RBFOX1: variants seen among roughly 807,000 people sequenced by gnomAD.
RBFOX1 encodes the protein RNA binding protein fox-1 homolog 1.
A neutral mutation model predicts 57.7 loss-of-function variants in RBFOX1; 8 were observed. The observed-to-expected ratio is 0.14, with a 90% CI of 0.08 to 0.25. RBFOX1 has a LOEUF of 0.25. Among genes scored for constraint, RBFOX1 ranks in the 10% least tolerant of loss-of-function variants. The probability of loss-of-function intolerance (pLI) is 1.00; values close to 1 mark genes in which losing one functional copy is unlikely to be tolerated. For missense variants in RBFOX1, 611 were observed against 548.5 expected, an observed-to-expected ratio of 1.11 and a Z score of -1.14; for synonymous variants, 326 against 222.4, an observed-to-expected ratio of 1.47 and a Z score of -4.15.
chr16:5,853,352 G>T (rs4238867), intron 3 of RBFOX1, among the ~76,000 whole-genome samples: 70,066 of 151,932 alleles, frequency 0.46, 16,164 homozygotes, highest in Non-Finnish European at 0.47. Flanking sequence ...CCAAAGAGAG[G>T]AGAAAACAAA....
chr16:5,719,740 C>G (rs991065210), intron 3 of RBFOX1, among the ~76,000 whole-genome samples: 5 of 152,150 alleles, frequency 3.3e-5, no homozygotes, highest in Non-Finnish European at 5.9e-5. Flanking sequence ...TATGTCAATA[C>G]TTCATTCCTT....
chr16:5,475,315 A>C (rs963449519), intron 2 of RBFOX1, among the ~76,000 whole-genome samples: 1 of 152,236 alleles, frequency 6.6e-6, no homozygotes, highest in Non-Finnish European at 1.5e-5. Context: ...GCATCCTGCT[A>C]TTAAGTCTAC....
intron 4 of RBFOX1, among the ~76,000 whole-genome samples, chr16:7,260,608 G>C (rs1450960959): frequency 6.6e-6 from 1 of 152,164 alleles, no homozygotes; most frequent in Non-Finnish European, 1.5e-5. Context: ...ATGTAGGTAA[G>C]ATAACAGAGT....
rs1039825800 is a variant in RBFOX1 at position 6,986,254 on chromosome 16, G to A, written c.-15-65803G>A. ...CTTGGTCTGTCACCCAGGCTGGAGT[G>A]CAATGGCATGATCTTGGCTCACTGC... On this transcript the variant is annotated intron_variant, in intron 3 of 15. Transcript: ENST00000550418. Among the ~76,000 whole-genome samples, 136 of 151,674 alleles carry A rather than the reference G, an allele frequency of 9.0e-4. 1 individual carries two copies. Among genetic ancestry groups the A allele is most frequent in the African/African-American group, 3.1e-3 (126 of 41,262 alleles).
At chr16:5,906,768 A>G (rs2058468835) in intron 4 of RBFOX1, among the ~76,000 whole-genome samples, 1 of 111,266 alleles carries the variant, frequency 9.0e-6, no homozygotes, top group African/African-American at 3.6e-5. Flanking sequence ...GGAGTCTCGC[A>G]CTGTCTTCCA....
At chr16:7,454,979 C>T (rs1189482941) in intron 4 of RBFOX1, among the ~76,000 whole-genome samples, 1 of 152,164 alleles carries the variant, frequency 6.6e-6, no homozygotes, top group Non-Finnish European at 1.5e-5. Context: ...AATAATAAAG[C>T]CCATTTTTTA....
At chr16:7,473,372 G>T (rs1402832357) in intron 4 of RBFOX1, among the ~76,000 whole-genome samples, 1 of 148,188 alleles carries the variant, frequency 6.7e-6, no homozygotes, top group Non-Finnish European at 1.5e-5. Context: ...AGAGAGACTT[G>T]GTCTCTCATA....
chr16:6,968,329 C>A lies in RBFOX1; in HGVS notation c.-15-83728C>A, dbSNP rs575963056. On this transcript the variant is annotated intron_variant, in intron 3 of 15. Coordinates refer to ENST00000550418, the MANE Select transcript of RBFOX1 (RefSeq NM_018723.4). ...GAAATTAGCAGCGATGGAAACAATG[C>A]AAACATTTCATTTCTTTTCCTTCTT... 1.3e-4 allele frequency among the ~76,000 whole-genome samples: 20 copies of A among 152,344 alleles called. 1 individual carries two copies. In the South Asian group the frequency reaches 2.7e-3, roughly 21 times the overall value.
intron 1 of RBFOX1, among the ~76,000 whole-genome samples, chr16:6,040,160 C>G (rs2095420462): frequency 1.3e-5 from 2 of 152,196 alleles, no homozygotes; most frequent in South Asian, 4.1e-4. Flanking sequence ...TTAATTCACT[C>G]TGTTGCATGA....
intron 4 of RBFOX1, among the ~76,000 whole-genome samples, chr16:7,348,685 G>T (rs113593236): frequency 0.033 from 4,950 of 152,276 alleles, 179 homozygotes; most frequent in African/African-American, 0.087. Flanking sequence ...CTCACGCCTA[G>T]AATCCCAGCA....
At chr16:5,953,131 T>C (rs1392994145) in intron 4 of RBFOX1, among the ~76,000 whole-genome samples, 6 of 151,724 alleles carry the variant, frequency 4.0e-5, no homozygotes, top group Non-Finnish European at 5.9e-5. Flanking sequence ...GGGTGGGAGG[T>C]AGGGATATTT....
intron 1 of RBFOX1, among the ~76,000 whole-genome samples, chr16:5,400,024 T>A (rs747596871): frequency 6.6e-6 from 1 of 152,106 alleles, no homozygotes; most frequent in Non-Finnish European, 1.5e-5. Flanking sequence ...CACATCCAGG[T>A]ACTCATCACC....
At chr16:5,688,582 T>G (rs2050573756) in intron 3 of RBFOX1, among the ~76,000 whole-genome samples, 1 of 151,956 alleles carries the variant, frequency 6.6e-6, no homozygotes, top group African/African-American at 2.4e-5. Flanking sequence ...GTTGGTCTGG[T>G]CCCAACATGA....
At chr16:5,430,931 A>G (rs7204235) in intron 1 of RBFOX1, among the ~76,000 whole-genome samples, 3,464 of 152,346 alleles carry the variant, frequency 0.023, 128 homozygotes, top group African/African-American at 0.078. Flanking sequence ...TACATACTTC[A>G]GTGGGGACCT....
chr16:7,418,360 C>G (rs1272139466), intron 4 of RBFOX1, among the ~76,000 whole-genome samples: 1 of 152,184 alleles, frequency 6.6e-6, no homozygotes, highest in Non-Finnish European at 1.5e-5. Context: ...CTCCTGGTGT[C>G]TTGTGTGGCA....
At chr16:6,832,310 G>A (rs572440077) in intron 3 of RBFOX1, among the ~76,000 whole-genome samples, 5 of 152,280 alleles carry the variant, frequency 3.3e-5, no homozygotes, top group East Asian at 3.9e-4. Flanking sequence ...CCAGAGAGTT[G>A]GAGACAGTGT....
intron 4 of RBFOX1, among the ~76,000 whole-genome samples, chr16:5,928,921 AGAGCTCGCAATGTGGCTGCAGG>A (rs1441251493): frequency 6.6e-6 from 1 of 151,998 alleles, no homozygotes; most frequent in Non-Finnish European, 1.5e-5. Flanking sequence ...AATTGAAAAC[AGAGCTCGCAATGTGGCTGCAGG>A]GATGCTCGCC....
At chr16:5,507,542 G>A (rs1228459824) in intron 2 of RBFOX1, among the ~76,000 whole-genome samples, 3 of 152,208 alleles carry the variant, frequency 2.0e-5, no homozygotes, top group Admixed American at 6.5e-5. Context: ...AGCATCTGTT[G>A]TGGGTTGAAT....
intron 4 of RBFOX1, among the ~76,000 whole-genome samples, chr16:7,144,421 T>TCTTTTTA (rs1358133417): frequency 1.5e-5 from 2 of 137,076 alleles, no homozygotes; most frequent in African/African-American, 5.4e-5. Flanking sequence ...TTTCTTCTTT[T>TCTTTTTA]TTTTTTTTTT....
Sources: gnomAD v4.1 joint callset for allele counts (sites outside exome capture counted in the v4.1 genomes callset) on GRCh38, gnomAD v4.1.1 for gene constraint, MANE v1.5 for transcripts, NCBI Gene and HGNC (gene_info 2026-07-23, HGNC 2026-07-21) for gene names.